The following NAA15 variants were observed in gnomAD, a reference collection of about 807,000 sequenced individuals.
The protein encoded by NAA15 is N-terminal acetyltransferase.
Under a neutral mutation model 114.0 loss-of-function variants are expected in NAA15, and 34 were observed. The observed-to-expected ratio is 0.30, with a 90% CI of 0.23 to 0.40. NAA15 has a LOEUF of 0.40. NAA15 is among the 10% of genes least tolerant of loss of function. NAA15 has a pLI of 1.00. For synonymous variants in NAA15, 340 were observed against 338.0 expected (o/e 1.01, Z -0.06); for missense variants, 658 against 1,004.5 (o/e 0.66, Z 4.66).
chr4:139,355,345 T>C (rs766227769), intron 10 of NAA15, among the ~76,000 whole-genome samples: 14 of 152,206 alleles, frequency 9.2e-5, no homozygotes, highest in Non-Finnish European at 1.8e-4. Flanking sequence ...AAACTCTTTT[T>C]ATCTTTTGGG....
chr4:139,357,313 T>C, intron 10 of NAA15, 73 bp from the exon 11 acceptor site: 1 of 1,282,680 alleles, frequency 7.8e-7, no homozygotes, highest in South Asian at 1.2e-5. Context: ...TTAATAAACA[T>C]AGGGACCATT....
chr4:139,325,685 G>C (rs895382304), intron 1 of NAA15, among the ~76,000 whole-genome samples: 1 of 152,200 alleles, frequency 6.6e-6, no homozygotes, highest in African/African-American at 2.4e-5. Flanking sequence ...GTTTTGTTCT[G>C]TCGCTCAGGT....
In NAA15 at chr4:139,360,542, A is replaced by C; in HGVS notation, c.1453A>C (p.Met485Leu). Residue 485 changes from methionine to leucine, a missense_variant, in exon 13 of 20, where the codon ATG becomes CTG. Around this residue, in one of 6 missense-constraint regions of NAA15, gnomAD observed 281 missense variants for 389.1 expected, o/e 0.72. Coordinates refer to ENST00000296543, the MANE Select transcript of NAA15 (RefSeq NM_057175.5). Reference protein sequence around the residue: ...AVENLNEMQCMWFQTECAQAY... With the variant: ...AVENLNEMQCLWFQTECAQAY... ...AGAGAATTTGAATGAAATGCAGTGC[A>C]TGTGGTTCCAAACAGAATGTGCCCA... The C allele has an allele frequency of 6.2e-7, 1 of 1,609,010 alleles. No homozygotes were observed. Among genetic ancestry groups the C allele is most frequent in the Non-Finnish European group, 8.5e-7 (1 of 1,177,852 alleles).
chr4:139,360,371 C>A lies in NAA15; in HGVS notation c.1411-129C>A, dbSNP rs1748094548. 4.4e-6 allele frequency: 3 copies of A among 682,136 alleles called. No individual in the cohort carries two copies. In the African/African-American group the frequency reaches 5.7e-5, roughly 13 times the overall value. 42.3% of individuals were successfully genotyped at this position (682,136 alleles called of 1,614,324 possible). ...CAGTTGTTTTCCCATGTTAACTATTCTTTAAGAATGTTTTAAAAATTTTTT... is the reference window on the plus strand; with the variant it reads ...CAGTTGTTTTCCCATGTTAACTATTATTTAAGAATGTTTTAAAAATTTTTT... On this transcript the variant is annotated intron_variant, in intron 12 of 19. Coordinates refer to ENST00000296543, the MANE Select transcript of NAA15 (RefSeq NM_057175.5).
chr4:139,385,300 A>ATATATAATAT (rs397699538), intron 18 of NAA15, among the ~76,000 whole-genome samples: 1 of 90,184 alleles, frequency 1.1e-5, no homozygotes, highest in Non-Finnish European at 2.6e-5. Context: ...ATATATATAT[A>ATATATAATAT]ATATATATTA....
intron 14 of NAA15, among the ~76,000 whole-genome samples, chr4:139,363,001 T>G (rs532509638): frequency 3.9e-5 from 6 of 152,302 alleles, no homozygotes; most frequent in Non-Finnish European, 8.8e-5. Flanking sequence ...GTCGTTAAGT[T>G]TTACTTCCTG....
intron 16 of NAA15, among the ~76,000 whole-genome samples, chr4:139,377,897 T>C (rs1281811421): frequency 6.6e-6 from 1 of 152,198 alleles, no homozygotes; most frequent in East Asian, 1.9e-4. Context: ...AAAGCTGCTC[T>C]GCTTAAAGTA....
chr4:139,357,424 G>A lies in NAA15; in HGVS notation c.1126G>A (p.Val376Ile). The A allele has an allele frequency of 6.2e-7, 1 of 1,613,836 alleles. No individual in the cohort carries two copies. The highest frequency in any genetic ancestry group is 1.1e-5 in the South Asian group (1 of 91,070). Residue 376 changes from valine (V) to isoleucine (I), a missense_variant, in exon 11 of 20, where the codon GTC (valine) becomes ATC (isoleucine). Physicochemically the swap from Val to Ile is conservative, Grantham distance 29. This residue lies in a region of NAA15 where 281 missense variants were observed against 389.1 expected (regional missense o/e 0.72). Transcript: ENST00000296543. ...KEEPPTTLLW[V>I]QYYLAQHYDK... ...GGAACCACCAACCACATTACTTTGG[G>A]TCCAGTACTACTTGGCACAACATTA...
intron 1 of NAA15, among the ~76,000 whole-genome samples, chr4:139,325,530 G>C (rs912787275): frequency 7.2e-5 from 11 of 151,992 alleles, no homozygotes; most frequent in Non-Finnish European, 1.5e-4. Context: ...AAAAACATAC[G>C]ATAAACAAAT....
chr4:139,373,703 CT>C (rs397964878), intron 15 of NAA15, among the ~76,000 whole-genome samples: 234 of 142,826 alleles, frequency 1.6e-3, no homozygotes, highest in Middle Eastern at 7.4e-3. Context: ...TGTTTGTTTG[CT>C]TTTTTTTTTT....
rs1248445278 is a variant in NAA15, at chr4:139,332,579, T to G, written c.55-1595T>G. Among the ~76,000 whole-genome samples, 25 of 116,580 alleles carry G rather than the reference T, an allele frequency of 2.1e-4. No homozygotes were observed. In the East Asian group the frequency reaches 4.9e-3, roughly 23 times the overall value. The allele number at this position is 116,580 out of a possible 152,430, so 76.5% of individuals were successfully genotyped here. On this transcript the variant is annotated intron_variant, in intron 1 of 19. Coordinates refer to ENST00000296543, the MANE Select transcript of NAA15 (RefSeq NM_057175.5). ...TGGTATTTTGGTTTGTATGTTTTTT[T>G]TTTTTTTTTTTTTTTTTTTTTGAGA...
intron 2 of NAA15, among the ~76,000 whole-genome samples, chr4:139,335,340 C>G (rs2110898242): frequency 6.6e-6 from 1 of 152,136 alleles, no homozygotes; most frequent in Non-Finnish European, 1.5e-5. Flanking sequence ...TTCTGAAATG[C>G]AGTTTTCCCT....
intron 1 of NAA15, among the ~76,000 whole-genome samples, chr4:139,306,515 A>G (rs1440700464): frequency 6.6e-6 from 1 of 150,868 alleles, no homozygotes; most frequent in African/African-American, 2.4e-5. Flanking sequence ...GATTACAGGC[A>G]TGAGCCACTG....
intron 10 of NAA15, among the ~76,000 whole-genome samples, chr4:139,356,321 A>AT (rs1449708049): frequency 1.3e-5 from 2 of 152,150 alleles, no homozygotes; most frequent in Non-Finnish European, 2.9e-5. Context: ...TCTGGAATCA[A>AT]TTGTTTTTCC....
intron 5 of NAA15, among the ~76,000 whole-genome samples, chr4:139,343,181 T>A (rs116730313): frequency 0.012 from 1,821 of 152,312 alleles, 24 homozygotes; most frequent in Admixed American, 0.03. Context: ...TCTATTTTAA[T>A]TTTCTTCCTT....
At chr4:139,375,604 T>C (rs1333559070) in intron 15 of NAA15, among the ~76,000 whole-genome samples, 1 of 152,108 alleles carries the variant, frequency 6.6e-6, no homozygotes, top group Non-Finnish European at 1.5e-5. Flanking sequence ...ACTGCCTCTG[T>C]GATGAGAGAA....
rs189452543 is a variant in NAA15 at position 139,357,472 on chromosome 4, A to G, written c.1174A>G (p.Ile392Val). Reference protein sequence around the residue: ...QHYDKIGQPSIALEYINTAIE... With the variant: ...QHYDKIGQPSVALEYINTAIE... Reference sequence around the variant, plus strand: ...TTATGACAAAATTGGTCAGCCATCTATTGCTTTGGAGTACATAAATACTGC... The same window carrying G: ...TTATGACAAAATTGGTCAGCCATCTGTTGCTTTGGAGTACATAAATACTGC... The change falls in exon 11 of 20, where the codon ATT (isoleucine) becomes GTT (valine). Residue 392 changes from isoleucine to valine, a missense_variant. This residue lies in a region of NAA15 where 281 missense variants were observed against 389.1 expected (regional missense o/e 0.72). Transcript: ENST00000296543. 7.3e-5 allele frequency: 117 copies of G among 1,613,552 alleles called. 1 individual carries two copies. Among genetic ancestry groups the G allele is most frequent in the Middle Eastern group, 5.0e-4 (3 of 6,056 alleles).
At chr4:139,334,291 C>A in intron 2 of NAA15, 33 bp downstream of exon 2, 1 of 1,355,824 alleles carries the variant, frequency 7.4e-7, no homozygotes, top group East Asian at 2.5e-5. Flanking sequence ...TTACTACATA[C>A]CTGTCTGGCC....
chr4:139,361,047 A>G (rs1748117973), intron 13 of NAA15, among the ~76,000 whole-genome samples: 1 of 152,132 alleles, frequency 6.6e-6, no homozygotes, highest in African/African-American at 2.4e-5. Flanking sequence ...AGCTTATCTA[A>G]TTTCATGCTG....
Sources: allele counts gnomAD v4.1 joint callset (sites outside exome capture counted in the v4.1 genomes callset), GRCh38; gene constraint gnomAD v4.1.1; regional missense constraint gnomAD v4.1.1; transcripts MANE v1.5; gene names NCBI Gene and HGNC (gene_info 2026-07-23, HGNC 2026-07-21).